Variants in DLGAP2 observed in about 807,000 individuals in gnomAD.
The protein encoded by DLGAP2 is DLG associated protein 2.
A neutral mutation model predicts 100.3 loss-of-function variants in DLGAP2; 26 were observed. The observed-to-expected ratio is 0.26, with a 90% CI of 0.19 to 0.36. DLGAP2 has a LOEUF of 0.36. DLGAP2 is among the 10% of genes least tolerant of loss of function. The pLI, the probability that DLGAP2 is intolerant of heterozygous loss-of-function variation, is 1.00. For synonymous variants in DLGAP2, 886 were observed against 630.1 expected, an observed-to-expected ratio of 1.41 and a Z score of -6.08; for missense variants, 1,858 against 1,453.2, an observed-to-expected ratio of 1.28 and a Z score of -4.53.
At chr8:1,022,478 T>C (rs1332872081) in intron 2 of DLGAP2, among the ~76,000 whole-genome samples, 12 of 85,962 alleles carry the variant, frequency 1.4e-4, no homozygotes, top group Non-Finnish European at 2.3e-4. Context: ...CCGCCATCCA[T>C]CCTCCCTGGG....
Position 1,632,915 on chromosome 8 carries a change from A to ACCT in DLGAP2, c.1682_1684dup (p.Leu561dup). 1 of 1,613,242 alleles carries ACCT rather than the reference A, an allele frequency of 6.2e-7. No homozygotes were observed. The highest frequency in any genetic ancestry group is 8.5e-7 in the Non-Finnish European group (1 of 1,179,760). Reference sequence around the variant, plus strand: ...GAATCTCAGGCCATGGATGCCCTCGACCTCCCGGGATGTTTCCGAACAAGG... The same window carrying ACCT: ...GAATCTCAGGCCATGGATGCCCTCGACCTCCTCCCGGGATGTTTCCGAACAAGG... On this transcript the variant is annotated inframe_insertion, in exon 8 of 15. Transcript: ENST00000637795.
chr8:956,214 T>C (rs994042780), intron 2 of DLGAP2, among the ~76,000 whole-genome samples: 1 of 152,154 alleles, frequency 6.6e-6, no homozygotes, highest in African/African-American at 2.4e-5. Context: ...TGTGCAGTGG[T>C]GGATGTGATA....
chr8:1,555,662 C>G (rs527787154), intron 5 of DLGAP2, among the ~76,000 whole-genome samples: 45 of 152,356 alleles, frequency 3.0e-4, no homozygotes, highest in Non-Finnish European at 5.1e-4. Flanking sequence ...CATCACCCCC[C>G]AGTTGTCCTG....
chr8:984,449 C>G (rs1800429608), intron 2 of DLGAP2, among the ~76,000 whole-genome samples: 1 of 152,176 alleles, frequency 6.6e-6, no homozygotes, highest in South Asian at 2.1e-4. Context: ...CTCAGAGGGC[C>G]CTGTTTCTAA....
intron 8 of DLGAP2, among the ~76,000 whole-genome samples, chr8:1,634,584 A>G (rs1000428403): frequency 1.5e-4 from 23 of 152,206 alleles, no homozygotes; most frequent in African/African-American, 5.1e-4. Context: ...ACAAATTAGA[A>G]TCAGGGAAGT....
chr8:1,213,035 A>G (rs1206833485), intron 2 of DLGAP2, among the ~76,000 whole-genome samples: 1 of 152,036 alleles, frequency 6.6e-6, no homozygotes, highest in Admixed American at 6.6e-5. Flanking sequence ...TTGTCTCATG[A>G]TGAGAATTTG....
At chr8:1,419,653 C>G (rs1283259036) in intron 3 of DLGAP2, among the ~76,000 whole-genome samples, 1 of 152,126 alleles carries the variant, frequency 6.6e-6, no homozygotes, top group African/African-American at 2.4e-5. Flanking sequence ...CAAATCAAAA[C>G]CACACTGAGA....
intron 3 of DLGAP2, among the ~76,000 whole-genome samples, chr8:1,455,123 C>G (rs1302174978): frequency 2.6e-5 from 4 of 152,332 alleles, no homozygotes; most frequent in African/African-American, 9.6e-5. Flanking sequence ...ATGTAATGAG[C>G]TCATGGCAAC....
chr8:1,298,782 C>T lies in DLGAP2; in HGVS notation c.106+39899C>T, dbSNP rs566788709. ...ACTTTAAACTAAAGACTTCTATTTG[C>T]AAAGATCGTCTTGAGAGGCAATATA... On this transcript the variant is annotated intron_variant, in intron 3 of 14. Coordinates refer to ENST00000637795, the MANE Select transcript of DLGAP2 (RefSeq NM_001346810.2). Among the ~76,000 whole-genome samples, 17 of 152,330 alleles carry T rather than the reference C, an allele frequency of 1.1e-4. No homozygotes were observed. In the East Asian group the frequency reaches 2.9e-3, roughly 26 times the overall value.
At chr8:829,761 T>C (rs375682182) in intron 1 of DLGAP2, among the ~76,000 whole-genome samples, 1 of 152,238 alleles carries the variant, frequency 6.6e-6, no homozygotes, top group Non-Finnish European at 1.5e-5. Context: ...TAGTCACATA[T>C]AGGTTCATAA....
At chr8:955,937 G>A (rs772418533) in intron 2 of DLGAP2, among the ~76,000 whole-genome samples, 18 of 152,180 alleles carry the variant, frequency 1.2e-4, no homozygotes, top group South Asian at 2.1e-4. Flanking sequence ...AGCCCAGACC[G>A]CCCAGATTGA....
Position 901,056 on chromosome 8 carries a change from T to A in DLGAP2, c.19-6856T>A, listed in dbSNP as rs374698379. Among the ~76,000 whole-genome samples, 100 of 152,310 alleles carry A rather than the reference T, an allele frequency of 6.6e-4. 1 individual carries two copies. The South Asian group carries it at 0.018, about 28-fold the overall frequency. ...CTGAAATCCCAGCACTTTAGGAGGC[T>A]GAGGCAGGAAGATTGCATGAGGCCA... On this transcript the variant is annotated intron_variant, in intron 1 of 14. Transcript: ENST00000637795.
chr8:1,495,770 C>T (rs1799527205), intron 3 of DLGAP2, among the ~76,000 whole-genome samples: 1 of 152,220 alleles, frequency 6.6e-6, no homozygotes, highest in Non-Finnish European at 1.5e-5. Context: ...GGGGCCTTCC[C>T]CCGTATGCTT....
At chr8:1,301,661 T>C (rs946353269) in intron 3 of DLGAP2, 1 of 152,224 alleles carries the variant, frequency 6.6e-6, no homozygotes. Flanking sequence ...AGCTTCACGT[T>C]TTACAAATAA....
chr8:750,586 A>G (rs538009378), intron 1 of DLGAP2, among the ~76,000 whole-genome samples: 10 of 152,360 alleles, frequency 6.6e-5, no homozygotes, highest in Non-Finnish European at 1.3e-4. Flanking sequence ...AGAAAACATG[A>G]CTTTTAAAAA....
intron 3 of DLGAP2, chr8:1,369,754 T>C (rs1206407204): frequency 6.6e-6 from 1 of 152,310 alleles, no homozygotes; most frequent in Non-Finnish European, 1.5e-5. Flanking sequence ...CTGAACTCTT[T>C]TAACATTTTG....
chr8:754,612 G>C (rs1820877247), intron 1 of DLGAP2, among the ~76,000 whole-genome samples: 1 of 152,218 alleles, frequency 6.6e-6, no homozygotes, highest in African/African-American at 2.4e-5. Context: ...CCAGTGCTCT[G>C]CGAGGCCAAG....
intron 3 of DLGAP2, among the ~76,000 whole-genome samples, chr8:1,483,473 C>G (rs113918667): frequency 7.7e-6 from 1 of 129,830 alleles, no homozygotes; most frequent in Non-Finnish European, 1.6e-5. Flanking sequence ...GAGGGCGTCT[C>G]CACAGGGCAG....
At chr8:1,663,024 G>C (rs2130828513) in intron 8 of DLGAP2, among the ~76,000 whole-genome samples, 1 of 146,590 alleles carries the variant, frequency 6.8e-6, no homozygotes, top group Non-Finnish European at 1.5e-5. Flanking sequence ...GTATACCTGT[G>C]TGAGTGTGGG....
Sources: gnomAD v4.1 joint callset for allele counts (sites outside exome capture counted in the v4.1 genomes callset) on GRCh38, gnomAD v4.1.1 for gene constraint, MANE v1.5 for transcripts, NCBI Gene and HGNC (gene_info 2026-07-23, HGNC 2026-07-21) for gene names.